WDR49: variants seen among roughly 807,000 people sequenced by gnomAD.
WDR49 encodes cilia- and flagella-associated protein 337.
A neutral mutation model predicts 119.5 loss-of-function variants in WDR49; 107 were observed. That is an observed-to-expected ratio of 0.90 (90% CI 0.77 to 1.05). The LOEUF is 1.05. Ranked by LOEUF, WDR49 falls within the 50% of genes least tolerant of loss-of-function variation. WDR49 has a pLI of 0.00. For missense variants in WDR49, 1,240 were observed against 1,220.5 expected, an observed-to-expected ratio of 1.02 and a Z score of -0.24; for synonymous variants, 425 against 418.8, an observed-to-expected ratio of 1.01 and a Z score of -0.18.
At position 167,550,980 on chromosome 3, in the gene WDR49, T is replaced by C. The variant is rs561523895; in HGVS notation, c.1823+3670A>G. On this transcript the variant is annotated intron_variant, in intron 10 of 18. Transcript: ENST00000682715. Reference sequence around the variant, plus strand: ...ATATGGCCACAGATTCAACCAGGTATTTGTGAATTGACTCTATGCCAATTC... The same window carrying C: ...ATATGGCCACAGATTCAACCAGGTACTTGTGAATTGACTCTATGCCAATTC... Among the ~76,000 whole-genome samples, 9 of 152,112 alleles carry C rather than the reference T, an allele frequency of 5.9e-5. No homozygotes were observed. In the South Asian group the frequency reaches 1.9e-3, roughly 32 times the overall value.
intron 7 of WDR49, among the ~76,000 whole-genome samples, chr3:167,597,791 G>T (rs1715558738): frequency 6.6e-6 from 1 of 152,166 alleles, no homozygotes; most frequent in African/African-American, 2.4e-5. Context: ...TAGCCCCTTT[G>T]TTGTGGCCAA....
intron 18 of WDR49, among the ~76,000 whole-genome samples, chr3:167,481,316 T>C (rs1268450674): frequency 6.6e-6 from 1 of 151,348 alleles, no homozygotes; most frequent in African/African-American, 2.4e-5. Context: ...TGAAGGAAGA[T>C]CACAGAGCAG....
At chr3:167,576,932 G>A (rs1266756659) in intron 7 of WDR49, among the ~76,000 whole-genome samples, 1 of 151,730 alleles carries the variant, frequency 6.6e-6, no homozygotes, top group Non-Finnish European at 1.5e-5. Context: ...TGTGTGGATA[G>A]ATATATATGT....
At chr3:167,611,901 A>G (rs1209148581) in intron 5 of WDR49, among the ~76,000 whole-genome samples, 1 of 152,308 alleles carries the variant, frequency 6.6e-6, no homozygotes, top group East Asian at 1.9e-4. Flanking sequence ...GGCGACCTCA[A>G]CACTTCACTT....
intron 7 of WDR49, among the ~76,000 whole-genome samples, chr3:167,580,714 G>T (rs573649351): frequency 5.9e-5 from 9 of 151,898 alleles, no homozygotes; most frequent in Non-Finnish European, 1.2e-4. Flanking sequence ...TATTAATCAA[G>T]TCCTTTGACA....
At chr3:167,617,497 G>C (rs1716656788) in intron 5 of WDR49, among the ~76,000 whole-genome samples, 1 of 152,182 alleles carries the variant, frequency 6.6e-6, no homozygotes, top group African/African-American at 2.4e-5. Context: ...CTGCACTCCA[G>C]CCTGGGCGAC....
chr3:167,576,752 C>T (rs1714271353), intron 7 of WDR49, among the ~76,000 whole-genome samples: 1 of 152,138 alleles, frequency 6.6e-6, no homozygotes, highest in Non-Finnish European at 1.5e-5. Flanking sequence ...TGTCAAATTC[C>T]AACCTACAGA....
At chr3:167,612,424 G>GA (rs957345111) in intron 5 of WDR49, among the ~76,000 whole-genome samples, 4 of 149,634 alleles carry the variant, frequency 2.7e-5, no homozygotes, top group Non-Finnish European at 5.9e-5. Context: ...TAAAGAACTA[G>GA]AAAAGCAAGA....
At chr3:167,486,250 G>A (rs1160358894) in intron 18 of WDR49, among the ~76,000 whole-genome samples, 1 of 151,986 alleles carries the variant, frequency 6.6e-6, no homozygotes, top group Non-Finnish European at 1.5e-5. Flanking sequence ...GTCTCTTAAA[G>A]GCATCCTAAA....
intron 18 of WDR49, among the ~76,000 whole-genome samples, chr3:167,495,362 G>GTA (rs1330033816): frequency 5.3e-5 from 8 of 151,554 alleles, no homozygotes; most frequent in South Asian, 4.2e-4. Context: ...AAATATGTGT[G>GTA]TATATATATA....
chr3:167,560,164 T>G lies in WDR49; in HGVS notation c.1574A>C (p.Lys525Thr). 1 of 1,614,184 alleles carries G rather than the reference T, an allele frequency of 6.2e-7. No individual in the cohort carries two copies. The part of the protein sequence containing the change: ...FWMIDTGQKI[K>T]QFTGCHGNAE... ...GTTGCCGTGGCAACCAGTAAACTGT[T>G]TGATTTTCTGCCCAGTGTCTATCAT... is the stretch of plus-strand genomic sequence containing the variant. The change falls in exon 9 of 19, where the codon AAA becomes ACA. Residue 525 changes from lysine (K) to threonine (T), a missense_variant. Lys to Thr is a moderately conservative substitution (Grantham distance 78). Coordinates refer to ENST00000682715, the MANE Select transcript of WDR49 (RefSeq NM_001366157.1).
At chr3:167,602,324 C>T (rs1369062419) in intron 6 of WDR49, 49 bp from the exon 7 acceptor site, 2 of 1,451,770 alleles carry the variant, frequency 1.4e-6, no homozygotes, top group Non-Finnish European at 1.9e-6. Context: ...CATGAATAGC[C>T]CACAGCATTT....
At chr3:167,501,696 A>G (rs1751575150) in intron 17 of WDR49, among the ~76,000 whole-genome samples, 1 of 152,186 alleles carries the variant, frequency 6.6e-6, no homozygotes, top group Non-Finnish European at 1.5e-5. Context: ...AAGGATTCTT[A>G]TCTGTTTCTA....
In WDR49 at chr3:167,599,779, T is replaced by G. The variant is rs79419327; in HGVS notation, c.1275+2348A>C. Reference sequence around the variant, plus strand: ...TATTTAGAGCTCAAGGAAGTCACCTTTACTTTACTTCTGCTTTTCTCAAAT... The same window carrying G: ...TATTTAGAGCTCAAGGAAGTCACCTGTACTTTACTTCTGCTTTTCTCAAAT... On this transcript the variant is annotated intron_variant, in intron 7 of 18. Coordinates refer to ENST00000682715, the MANE Select transcript of WDR49 (RefSeq NM_001366157.1). Among the ~76,000 whole-genome samples, 9 of 151,992 alleles carry G rather than the reference T, an allele frequency of 5.9e-5. No individual in the cohort carries two copies. In the East Asian group the frequency reaches 1.7e-3, roughly 29 times the overall value.
intron 10 of WDR49, among the ~76,000 whole-genome samples, chr3:167,548,109 G>A (rs1283397459): frequency 6.6e-6 from 1 of 151,932 alleles, no homozygotes; most frequent in Non-Finnish European, 1.5e-5. Context: ...TTACTTGTAG[G>A]GTCCATTTTC....
At chr3:167,504,679 A>G in intron 17 of WDR49, among the ~76,000 whole-genome samples, 1 of 152,164 alleles carries the variant, frequency 6.6e-6, no homozygotes, top group East Asian at 1.9e-4. Context: ...CAATGGGAGA[A>G]GGACATGAGA....
intron 7 of WDR49, among the ~76,000 whole-genome samples, chr3:167,591,510 C>A (rs533316021): frequency 6.6e-6 from 1 of 152,140 alleles, no homozygotes; most frequent in East Asian, 1.9e-4. Context: ...GTTGATGTCT[C>A]CAGCTATTGT....
chr3:167,622,637 C>G (rs1019237632), intron 3 of WDR49, among the ~76,000 whole-genome samples: 2 of 152,172 alleles, frequency 1.3e-5, no homozygotes, highest in South Asian at 4.1e-4. Flanking sequence ...TTTCAATACT[C>G]TACTTTCAAT....
chr3:167,547,033 A>G (rs1238999736), intron 10 of WDR49, among the ~76,000 whole-genome samples: 1 of 151,654 alleles, frequency 6.6e-6, no homozygotes, highest in Non-Finnish European at 1.5e-5. Flanking sequence ...AATTGTATGT[A>G]AGAATTATTT....
Sources: gnomAD v4.1 joint callset for allele counts (sites outside exome capture counted in the v4.1 genomes callset) on GRCh38, gnomAD v4.1.1 for gene constraint, MANE v1.5 for transcripts, NCBI Gene and HGNC (gene_info 2026-07-23, HGNC 2026-07-21) for gene names.